The following NDE1 variants were observed in gnomAD, a reference collection of about 807,000 sequenced individuals.
The protein encoded by NDE1 is nuclear distribution protein nudE homolog 1.
NDE1 carries 28 observed loss-of-function variants against 43.4 expected under a neutral mutation model. The ratio of observed to expected loss-of-function variants is 0.65; its 90% CI spans 0.48 to 0.89. NDE1 has a LOEUF of 0.89. NDE1 is among the 40% of genes least tolerant of loss of function. The pLI, the probability that NDE1 is intolerant of heterozygous loss-of-function variation, is 0.00. For synonymous variants in NDE1, 184 were observed against 172.0 expected, an observed-to-expected ratio of 1.07 and a Z score of -0.55; for missense variants, 441 against 434.1, an observed-to-expected ratio of 1.02 and a Z score of -0.14.
At chr16:15,646,374 C>T (rs994995380), upstream of NDE1, among the ~76,000 whole-genome samples, 3 of 152,016 alleles carry the variant, frequency 2.0e-5, no homozygotes, top group Admixed American at 6.6e-5. Flanking sequence ...GTCAGGAGTT[C>T]GAGACCAGCC....
intron 5 of NDE1, among the ~76,000 whole-genome samples, chr16:15,688,677 AGTT>A (rs2038569409): frequency 8.8e-6 from 1 of 113,976 alleles, no homozygotes. Flanking sequence ...GGATTGTCCA[AGTT>A]GTTTTTACCT....
chr16:15,686,299 G>T, intron 4 of NDE1: 1 of 879,906 alleles, frequency 1.1e-6, no homozygotes, highest in Non-Finnish European at 1.4e-6. Context: ...CTGCATGAAG[G>T]TTACTATTAC....
intron 6 of NDE1, among the ~76,000 whole-genome samples, chr16:15,693,611 G>A (rs1241954921): frequency 6.6e-6 from 1 of 151,948 alleles, no homozygotes; most frequent in Non-Finnish European, 1.5e-5. Context: ...GATCAGCCTG[G>A]GCAACATAGT....
chr16:15,679,122 A>C (rs965695156), intron 4 of NDE1, among the ~76,000 whole-genome samples: 5 of 152,162 alleles, frequency 3.3e-5, no homozygotes, highest in Middle Eastern at 6.8e-3. Flanking sequence ...AAAAAAGCAC[A>C]GATGTTTTTT....
At chr16:15,693,278 T>TA (rs1210544576) in intron 6 of NDE1, among the ~76,000 whole-genome samples, 1 of 152,188 alleles carries the variant, frequency 6.6e-6, no homozygotes, top group African/African-American at 2.4e-5. Flanking sequence ...GCACTGGGAT[T>TA]ACAGGTGTGA....
chr16:15,719,623 C>T, intron 8 of NDE1: 1 of 1,614,176 alleles, frequency 6.2e-7, no homozygotes, highest in Non-Finnish European at 8.5e-7. Flanking sequence ...AAGCTCTTGG[C>T]TTTCTTCTCA....
rs1555547379 is a variant in NDE1 at position 15,706,007 on chromosome 16, C to CAAAAAAA, written c.947+9149_947+9150insAAAAAAA. Among the ~76,000 whole-genome samples, 6 of 66,230 alleles carry CAAAAAAA rather than the reference C, an allele frequency of 9.1e-5. No homozygotes were observed. The South Asian group carries it at 1.4e-3, about 15-fold the overall frequency. The allele number at this position is 66,230 out of a possible 152,430, so 43.4% of individuals were successfully genotyped here. ...CTCAAAAAAAAAAAAAAAAAAAAAT[C>CAAAAAAA]AAGGCCCAGAGATTCATGATCACTG... On this transcript the variant is annotated intron_variant, in intron 8 of 8. Transcript: ENST00000396354.
chr16:15,710,554 C>T (rs970258032), intron 8 of NDE1, among the ~76,000 whole-genome samples: 4 of 152,018 alleles, frequency 2.6e-5, no homozygotes, highest in African/African-American at 7.2e-5. Context: ...AATCACTGGG[C>T]CTGAGAAAGG....
chr16:15,706,085 C>T lies in NDE1; in HGVS notation c.947+9225C>T, dbSNP rs577560299. ...TGTTGACAGAGGATGGGAGAGACCCCGGCTGGGAAAGCCCACCTGGCTATA... is the reference window on the plus strand; with the variant it reads ...TGTTGACAGAGGATGGGAGAGACCCTGGCTGGGAAAGCCCACCTGGCTATA... On this transcript the variant is annotated intron_variant, in intron 8 of 8. Transcript: ENST00000396354. 6.6e-5 allele frequency among the ~76,000 whole-genome samples: 10 copies of T among 151,876 alleles called. No individual in the cohort carries two copies. In the East Asian group the frequency reaches 1.4e-3, roughly 21 times the overall value.
chr16:15,678,507 G>A (rs370248117), intron 4 of NDE1, among the ~76,000 whole-genome samples: 45 of 152,182 alleles, frequency 3.0e-4, no homozygotes, highest in African/African-American at 1.0e-3. Context: ...TGGAATTACA[G>A]GCACGTGCCA....
At chr16:15,666,022 C>G (rs558888900) in intron 2 of NDE1, among the ~76,000 whole-genome samples, 3 of 152,262 alleles carry the variant, frequency 2.0e-5, no homozygotes, top group African/African-American at 7.2e-5. Context: ...TCCCTAAGTG[C>G]TGGGATTACA....
intron 3 of NDE1, among the ~76,000 whole-genome samples, chr16:15,671,054 A>G (rs1378389668): frequency 2.0e-5 from 3 of 152,188 alleles, no homozygotes; most frequent in Admixed American, 6.5e-5. Flanking sequence ...GCATTTCCCC[A>G]TGAACGTTTT....
chr16:15,666,059 A>G (rs2037290088), intron 2 of NDE1, among the ~76,000 whole-genome samples: 1 of 151,992 alleles, frequency 6.6e-6, no homozygotes, highest in Non-Finnish European at 1.5e-5. Context: ...CCCGGTGTCC[A>G]TCTTATTTTC....
At chr16:15,698,186 C>T (rs1004349875) in intron 8 of NDE1, among the ~76,000 whole-genome samples, 4 of 152,064 alleles carry the variant, frequency 2.6e-5, no homozygotes, top group East Asian at 1.9e-4. Context: ...ACCAGCCACC[C>T]GATGGGACAG....
chr16:15,698,963 C>T (rs1254579054), intron 8 of NDE1, among the ~76,000 whole-genome samples: 1 of 152,022 alleles, frequency 6.6e-6, no homozygotes, highest in African/African-American at 2.4e-5. Context: ...TAGCTCACTG[C>T]AGCCTCGTCC....
chr16:15,714,738 T>C, intron 8 of NDE1: 1 of 855,856 alleles, frequency 1.2e-6, no homozygotes, highest in South Asian at 1.5e-5. Flanking sequence ...GGGTCTGATC[T>C]CAGTGCCTGG....
At chr16:15,649,620 A>G (rs970033425), upstream of NDE1, among the ~76,000 whole-genome samples, 34 of 152,280 alleles carry the variant, frequency 2.2e-4, no homozygotes, top group African/African-American at 8.2e-4. Context: ...ACCGCGCCAG[A>G]CCCATAATGG....
At chr16:15,669,348 C>T (rs2037473821) in intron 3 of NDE1, among the ~76,000 whole-genome samples, 1 of 151,600 alleles carries the variant, frequency 6.6e-6, no homozygotes, top group Admixed American at 6.6e-5. Flanking sequence ...CACCCTCCAC[C>T]ACGCCTGGCT....
At chr16:15,669,870 G>T (rs535848411) in intron 3 of NDE1, among the ~76,000 whole-genome samples, 1 of 152,296 alleles carries the variant, frequency 6.6e-6, no homozygotes, top group African/African-American at 2.4e-5. Context: ...CCTCCAAGGT[G>T]GTGAAAACCA....
Sources: allele counts gnomAD v4.1 joint callset (sites outside exome capture counted in the v4.1 genomes callset), GRCh38; gene constraint gnomAD v4.1.1; transcripts MANE v1.5; gene names NCBI Gene and HGNC (gene_info 2026-07-23, HGNC 2026-07-21).